The following ACER3 variants were observed in gnomAD, a reference collection of about 807,000 sequenced individuals.
ACER3 encodes the protein alkCDase 3.
A neutral mutation model predicts 48.9 loss-of-function variants in ACER3; 16 were observed. The ratio of observed to expected loss-of-function variants is 0.33; its 90% CI spans 0.22 to 0.50. ACER3 has a LOEUF of 0.50. Ranked by LOEUF, ACER3 falls within the 20% of genes least tolerant of loss-of-function variation. The probability of loss-of-function intolerance (pLI) is 0.98; values close to 1 mark genes in which losing one functional copy is unlikely to be tolerated. For synonymous variants in ACER3, 109 were observed against 107.8 expected, an observed-to-expected ratio of 1.01 and a Z score of -0.07; for missense variants, 227 against 326.0, an observed-to-expected ratio of 0.70 and a Z score of 2.34.
chr11:76,907,159 C>A (rs1207790170), intron 1 of ACER3, among the ~76,000 whole-genome samples: 1 of 152,188 alleles, frequency 6.6e-6, no homozygotes, highest in African/African-American at 2.4e-5. Flanking sequence ...CTTCTCCTAT[C>A]ACTTTAAAGT....
chr11:77,011,376 G>C, intron 7 of ACER3: 1 of 985,494 alleles, frequency 1.0e-6, no homozygotes, highest in Non-Finnish European at 1.2e-6. Context: ...ATTGGCCATG[G>C]TAAGTAAGTT....
At chr11:77,002,392 TAAG>T (rs1949051997) in intron 7 of ACER3, among the ~76,000 whole-genome samples, 1 of 152,220 alleles carries the variant, frequency 6.6e-6, no homozygotes, top group African/African-American at 2.4e-5. Flanking sequence ...AGTCTGTTAA[TAAG>T]GTGGATTATA....
intron 3 of ACER3, among the ~76,000 whole-genome samples, chr11:76,963,162 C>T (rs1327589755): frequency 1.3e-5 from 2 of 151,256 alleles, no homozygotes; most frequent in African/African-American, 2.5e-5. Flanking sequence ...GAAGTTTCCT[C>T]CCCTTTTCAG....
At chr11:77,006,942 T>C (rs1453346084) in intron 7 of ACER3, among the ~76,000 whole-genome samples, 1 of 152,042 alleles carries the variant, frequency 6.6e-6, no homozygotes, top group Admixed American at 6.6e-5. Flanking sequence ...ATACCCCATC[T>C]GTAAAAAATA....
At chr11:76,932,123 A>G (rs1947017895) in intron 2 of ACER3, among the ~76,000 whole-genome samples, 1 of 151,640 alleles carries the variant, frequency 6.6e-6, no homozygotes, top group Non-Finnish European at 1.5e-5. Flanking sequence ...TAATTTTTGT[A>G]TTTTTTTGTA....
chr11:76,962,269 C>G (rs570626912), intron 3 of ACER3, among the ~76,000 whole-genome samples: 10 of 131,876 alleles, frequency 7.6e-5, no homozygotes, highest in Admixed American at 3.2e-4. Context: ...CAGAGTGACA[C>G]TGGAATGTAG....
chr11:76,993,892 C>T (rs548037619), intron 6 of ACER3, among the ~76,000 whole-genome samples: 2 of 152,318 alleles, frequency 1.3e-5, no homozygotes, highest in East Asian at 1.9e-4. Flanking sequence ...CTGCAGCTCA[C>T]CTCCTGCTGT....
intron 2 of ACER3, among the ~76,000 whole-genome samples, chr11:76,928,234 T>C (rs1946885944): frequency 6.6e-6 from 1 of 152,244 alleles, no homozygotes; most frequent in Non-Finnish European, 1.5e-5. Context: ...TTTTTTCATG[T>C]GTTTTTGGGC....
intron 8 of ACER3, among the ~76,000 whole-genome samples, chr11:77,015,478 C>A (rs1245854395): frequency 6.6e-6 from 1 of 152,114 alleles, no homozygotes; most frequent in Non-Finnish European, 1.5e-5. Context: ...TAAATATACA[C>A]TTTCATATGC....
Position 76,869,620 on chromosome 11 carries a change from G to A in ACER3, c.103+8541G>A, listed in dbSNP as rs559760303. ...CTTCATCTTACAAAACTAAAACTCTGTATCCATTAAACAACTCCCCGTTTT... is the reference window on the plus strand; with the variant it reads ...CTTCATCTTACAAAACTAAAACTCTATATCCATTAAACAACTCCCCGTTTT... On this transcript the variant is annotated intron_variant, in intron 1 of 10. Coordinates refer to ENST00000532485, the MANE Select transcript of ACER3 (RefSeq NM_018367.7). 2.6e-5 allele frequency among the ~76,000 whole-genome samples: 4 copies of A among 152,200 alleles called. No individual in the cohort carries two copies. The South Asian group carries it at 8.3e-4, about 32-fold the overall frequency.
intron 2 of ACER3, among the ~76,000 whole-genome samples, chr11:76,939,914 A>G (rs2134917264): frequency 6.6e-6 from 1 of 152,300 alleles, no homozygotes; most frequent in South Asian, 2.1e-4. Context: ...CTCTACAGGG[A>G]CAATATTGGA....
intron 1 of ACER3, among the ~76,000 whole-genome samples, chr11:76,900,192 T>C (rs1305685660): frequency 6.6e-6 from 1 of 151,576 alleles, no homozygotes; most frequent in Admixed American, 6.6e-5. Flanking sequence ...AGAAAATATA[T>C]TTACTATTCA....
chr11:77,018,953 C>T (rs1220531440), intron 9 of ACER3, among the ~76,000 whole-genome samples: 1 of 152,208 alleles, frequency 6.6e-6, no homozygotes, highest in African/African-American at 2.4e-5. Flanking sequence ...AGTGGTTACA[C>T]TAAACAACAG....
chr11:76,925,547 A>G (rs993057116), intron 1 of ACER3, among the ~76,000 whole-genome samples: 2 of 151,976 alleles, frequency 1.3e-5, no homozygotes, highest in Non-Finnish European at 2.9e-5. Flanking sequence ...TCTTTCCTGC[A>G]GTTCTTGGTT....
chr11:76,870,266 A>G (rs1235384406), intron 1 of ACER3, among the ~76,000 whole-genome samples: 2 of 147,808 alleles, frequency 1.4e-5, no homozygotes, highest in African/African-American at 2.5e-5. Flanking sequence ...TTCCAAGTAG[A>G]TGGGACCACA....
chr11:76,935,134 G>A (rs1343877957), intron 2 of ACER3, among the ~76,000 whole-genome samples: 3 of 152,112 alleles, frequency 2.0e-5, no homozygotes, highest in Non-Finnish European at 2.9e-5. Flanking sequence ...GGAGAGTAGA[G>A]TCTACTGAAT....
chr11:77,021,324 G>A lies in ACER3; in HGVS notation c.*997G>A, dbSNP rs1949468915. The A allele has an allele frequency of 6.6e-6, 1 of 152,124 alleles. No individual in the cohort carries two copies. Among genetic ancestry groups the A allele is most frequent in the African/African-American group, 2.4e-5 (1 of 41,432 alleles). The allele number at this position is 152,124 out of a possible 1,614,324, so 9.4% of individuals were successfully genotyped here. ...ATTATCAGAATCCTATTTACATAAA[G>A]CATATTAAAATATCTGCTCCTTAAT... On this transcript the variant is annotated 3_prime_UTR_variant, in exon 11 of 11. Coordinates refer to ENST00000532485, the MANE Select transcript of ACER3 (RefSeq NM_018367.7).
At chr11:76,930,988 G>A (rs1024264502) in intron 2 of ACER3, among the ~76,000 whole-genome samples, 27 of 148,306 alleles carry the variant, frequency 1.8e-4, no homozygotes, top group Admixed American at 1.8e-3. Context: ...GGTCCGCTTG[G>A]TGCAGAGCTG....
At chr11:76,938,546 T>G (rs181947563) in intron 2 of ACER3, among the ~76,000 whole-genome samples, 1 of 152,276 alleles carries the variant, frequency 6.6e-6, no homozygotes, top group East Asian at 1.9e-4. Context: ...CTTGAATTCC[T>G]GGCCCCAAGA....
Sources: allele counts gnomAD v4.1 joint callset (sites outside exome capture counted in the v4.1 genomes callset), GRCh38; gene constraint gnomAD v4.1.1; transcripts MANE v1.5; gene names NCBI Gene and HGNC (gene_info 2026-07-23, HGNC 2026-07-21).